The following STK3 variants were observed in gnomAD, a reference collection of about 807,000 sequenced individuals.
STK3 encodes serine/threonine kinase 3.
A neutral mutation model predicts 58.0 loss-of-function variants in STK3; 41 were observed. The observed-to-expected ratio is 0.71, with a 90% CI of 0.55 to 0.92. The LOEUF is 0.92. Ranked by LOEUF, STK3 falls within the 40% of genes least tolerant of loss-of-function variation. The pLI is 0.00. For missense variants in STK3, 479 were observed against 602.7 expected (o/e 0.79, Z 2.15); for synonymous variants, 170 against 191.0 (o/e 0.89, Z 0.91).
chr8:98,791,072 T>C (rs1390549595), intron 1 of STK3, among the ~76,000 whole-genome samples: 1 of 151,790 alleles, frequency 6.6e-6, no homozygotes, highest in Non-Finnish European at 1.5e-5. Flanking sequence ...TAGAAAACCC[T>C]AAAGACTCCC....
chr8:98,743,159 G>GGTATTTTA (rs1829357248), intron 4 of STK3, among the ~76,000 whole-genome samples: 1 of 149,778 alleles, frequency 6.7e-6, no homozygotes, highest in Admixed American at 6.7e-5. Flanking sequence ...TACTGCCCAA[G>GGTATTTTA]GTATTTTATA....
At chr8:98,743,014 A>G (rs1207479971) in intron 4 of STK3, among the ~76,000 whole-genome samples, 1 of 152,048 alleles carries the variant, frequency 6.6e-6, no homozygotes, top group Non-Finnish European at 1.5e-5. Flanking sequence ...CTAGGAATCC[A>G]ACTTACAAGG....
At chr8:98,869,621 C>G (rs1171983503) in intron 3 of STK3, among the ~76,000 whole-genome samples, 1 of 152,078 alleles carries the variant, frequency 6.6e-6, no homozygotes, top group Non-Finnish European at 1.5e-5. Flanking sequence ...ATGCCTGGAG[C>G]CCCCGAAAGC....
At chr8:98,514,636 G>A (rs976461366) in intron 10 of STK3, among the ~76,000 whole-genome samples, 1 of 151,734 alleles carries the variant, frequency 6.6e-6, no homozygotes, top group African/African-American at 2.4e-5. Flanking sequence ...TATATCCATG[G>A]GTAGATAGAG....
intron 6 of STK3, among the ~76,000 whole-genome samples, chr8:98,697,251 C>T (rs962478872): frequency 3.4e-4 from 51 of 151,900 alleles, no homozygotes; most frequent in Non-Finnish European, 6.6e-4. Flanking sequence ...TCTCTCTTTT[C>T]TTCTTTATTA....
At chr8:98,749,656 G>A (rs1829851147) in intron 3 of STK3, among the ~76,000 whole-genome samples, 1 of 151,894 alleles carries the variant, frequency 6.6e-6, no homozygotes, top group South Asian at 2.1e-4. Flanking sequence ...CTTCATTTTG[G>A]CAAAGAACTT....
chr8:98,672,980 TA>T lies in STK3; in HGVS notation c.684+33486del, dbSNP rs879746468. On this transcript the variant is annotated intron_variant, in intron 6 of 10. Coordinates refer to ENST00000419617, the MANE Select transcript of STK3 (RefSeq NM_006281.4). ...GCTATGACAGTTTGCTGTGTTTCTT[TA>T]AAAAAAAATGCACATTTACTGACTT... Among the ~76,000 whole-genome samples, 1,060 of 151,380 alleles carry T rather than the reference TA, an allele frequency of 7.0e-3. 8 individuals are homozygous for T. Among genetic ancestry groups the T allele is most frequent in the African/African-American group, 0.023 (968 of 41,362 alleles).
chr8:98,621,060 G>T (rs2130386994), intron 6 of STK3, among the ~76,000 whole-genome samples: 1 of 150,932 alleles, frequency 6.6e-6, no homozygotes, highest in East Asian at 2.0e-4. Flanking sequence ...CTCCCAAGTA[G>T]CTGGGACTAC....
At chr8:98,645,658 CT>C (rs1480274928) in intron 6 of STK3, among the ~76,000 whole-genome samples, 2 of 152,048 alleles carry the variant, frequency 1.3e-5, no homozygotes, top group African/African-American at 4.8e-5. Context: ...CTTTTAATTC[CT>C]AGTGCTTGAA....
chr8:98,491,805 T>C (rs775833661), intron 10 of STK3, among the ~76,000 whole-genome samples: 45 of 152,228 alleles, frequency 3.0e-4, no homozygotes, highest in Non-Finnish European at 5.7e-4. Context: ...TTCTTTTCTA[T>C]ACTTATAATA....
At chr8:98,652,250 G>A (rs1563849398) in intron 6 of STK3, among the ~76,000 whole-genome samples, 2 of 152,132 alleles carry the variant, frequency 1.3e-5, no homozygotes, top group Non-Finnish European at 2.9e-5. Flanking sequence ...AAGTGAAGGA[G>A]AAATAAAATC....
chr8:98,853,911 A>G (rs1157003045), intron 3 of STK3, among the ~76,000 whole-genome samples: 5 of 152,208 alleles, frequency 3.3e-5, no homozygotes, highest in East Asian at 3.8e-4. Context: ...TCTACCAAAC[A>G]TTCCATGAGG....
intron 10 of STK3, among the ~76,000 whole-genome samples, chr8:98,475,261 G>C (rs538386194): frequency 1.3e-3 from 193 of 152,172 alleles, no homozygotes; most frequent in African/African-American, 4.4e-3. Context: ...GGACTCTCAG[G>C]TTCATGCACC....
upstream of STK3, among the ~76,000 whole-genome samples, chr8:98,826,162 G>A (rs2922072): frequency 8.9e-4 from 136 of 152,318 alleles, no homozygotes; most frequent in Non-Finnish European, 1.6e-3. Flanking sequence ...CCTCACTACG[G>A]TTTGCCCTGA....
intron 3 of STK3, among the ~76,000 whole-genome samples, chr8:98,851,594 A>G (rs960518333): frequency 1.3e-5 from 2 of 152,210 alleles, no homozygotes; most frequent in Non-Finnish European, 2.9e-5. Flanking sequence ...TAGAGTGAAG[A>G]AACATGAGGT....
At chr8:98,584,264 A>G (rs1344086526) in intron 7 of STK3, among the ~76,000 whole-genome samples, 5 of 149,780 alleles carry the variant, frequency 3.3e-5, no homozygotes, top group African/African-American at 9.9e-5. Context: ...CCACCCCACA[A>G]CAGTCCCCAG....
At chr8:98,354,744 T>C in the STK3 span, among the ~76,000 whole-genome samples, 7 of 152,206 alleles carry the variant, frequency 4.6e-5, no homozygotes, top group Non-Finnish European at 7.3e-5. Context: ...TAGTGAGTAA[T>C]GGCAGCAGGT....
intron 1 of STK3, among the ~76,000 whole-genome samples, chr8:98,382,128 A>T (rs1331436115): frequency 6.6e-6 from 1 of 152,082 alleles, no homozygotes; most frequent in African/African-American, 2.4e-5. Context: ...CTGAGTGCAG[A>T]CTGGGGCAGG....
chr8:98,449,801 G>A (rs187191476), downstream of STK3, among the ~76,000 whole-genome samples: 33 of 152,310 alleles, frequency 2.2e-4, no homozygotes, highest in African/African-American at 7.5e-4. Context: ...TCTTGATACT[G>A]CGTTAGTTCT....
Sources: allele counts gnomAD v4.1 joint callset (sites outside exome capture counted in the v4.1 genomes callset), GRCh38; gene constraint gnomAD v4.1.1; transcripts MANE v1.5; gene names NCBI Gene and HGNC (gene_info 2026-07-23, HGNC 2026-07-21).